The following KHDRBS1 variants were observed in gnomAD, a reference collection of about 807,000 sequenced individuals.
KHDRBS1 encodes the protein KH RNA binding domain containing, signal transduction associated 1, also known as KH domain-containing, RNA-binding, signal transduction-associated protein 1.
KHDRBS1 carries 7 observed loss-of-function variants against 48.4 expected under a neutral mutation model. The ratio of observed to expected loss-of-function variants is 0.14; its 90% confidence interval spans 0.08 to 0.27. The LOEUF is 0.27. Among genes scored for constraint, KHDRBS1 ranks in the 10% least tolerant of loss-of-function variants. The pLI is 1.00. For synonymous variants in KHDRBS1, 241 were observed against 235.8 expected (o/e 1.02, Z -0.20); for missense variants, 458 against 601.2 (o/e 0.76, Z 2.49).
chr1:32,013,925 C>G lies in KHDRBS1; in HGVS notation c.-71C>G. The G allele has an allele frequency of 7.5e-7, 1 of 1,333,476 alleles. No homozygotes were observed. The highest frequency in any genetic ancestry group is 9.6e-7 in the Non-Finnish European group (1 of 1,040,716). The allele number at this position is 1,333,476 out of a possible 1,614,324, so 82.6% of individuals were successfully genotyped here. On this transcript the variant is annotated 5_prime_UTR_variant, in exon 1 of 9. Transcript: ENST00000327300. ...GCTACCGCTCCCGCTCTGCCACCCC[C>G]GCCAACCGCCGCTCGGGCCTCCGTC...
chr1:32,054,742 A>C (rs375951877), intron 10 of KHDRBS1, among the ~76,000 whole-genome samples: 1 of 152,234 alleles, frequency 6.6e-6, no homozygotes, highest in Non-Finnish European at 1.5e-5. Context: ...ACGCAAATTC[A>C]TAAACTTTCT....
At chr1:32,038,451 T>C in intron 6 of KHDRBS1, 101 bp from the exon 7 acceptor site, 2 of 1,161,836 alleles carry the variant, frequency 1.7e-6, no homozygotes, top group Non-Finnish European at 2.5e-6. Flanking sequence ...TGTCATGTCC[T>C]TTTAATTCAG....
At chr1:32,033,998 A>G (rs1294394634) in intron 4 of KHDRBS1, among the ~76,000 whole-genome samples, 5 of 152,236 alleles carry the variant, frequency 3.3e-5, no homozygotes, top group Non-Finnish European at 5.9e-5. Context: ...ATTACTTTGA[A>G]TAAATAGGAA....
At chr1:32,036,872 A>G (rs1639194411) in intron 4 of KHDRBS1, 38 bp from the exon 5 acceptor site, 6 of 1,584,812 alleles carry the variant, frequency 3.8e-6, no homozygotes, top group Non-Finnish European at 5.2e-6. Flanking sequence ...TAGAAAGTGT[A>G]GATACCACAC....
intron 4 of KHDRBS1, among the ~76,000 whole-genome samples, chr1:32,033,993 T>G (rs1639129321): frequency 6.6e-6 from 1 of 152,224 alleles, no homozygotes; most frequent in African/African-American, 2.4e-5. Flanking sequence ...GGAATATTAC[T>G]TTGAATAAAT....
downstream of KHDRBS1, among the ~76,000 whole-genome samples, chr1:32,046,208 G>C (rs960744793): frequency 2.0e-5 from 3 of 148,368 alleles, no homozygotes; most frequent in African/African-American, 7.5e-5. Context: ...TGGTTTTTTT[G>C]GTTTTCTTTT....
At chr1:32,018,210 C>T (rs2124355480) in intron 1 of KHDRBS1, among the ~76,000 whole-genome samples, 1 of 152,240 alleles carries the variant, frequency 6.6e-6, no homozygotes, top group South Asian at 2.1e-4. Flanking sequence ...CCTGTAATCC[C>T]AGCACTTTGG....
intron 1 of KHDRBS1, among the ~76,000 whole-genome samples, chr1:32,018,010 A>G (rs1354942280): frequency 6.6e-6 from 1 of 152,266 alleles, no homozygotes; most frequent in African/African-American, 2.4e-5. Flanking sequence ...TTGGAGAGAT[A>G]CTCAAAAATC....
intron 10 of KHDRBS1, among the ~76,000 whole-genome samples, chr1:32,057,275 G>A (rs914623692): frequency 6.6e-6 from 1 of 152,102 alleles, no homozygotes; most frequent in Non-Finnish European, 1.5e-5. Context: ...AAGTGATCCA[G>A]GCTCAAGTGA....
At chr1:32,025,631 T>G (rs979725696) in intron 1 of KHDRBS1, among the ~76,000 whole-genome samples, 2 of 147,664 alleles carry the variant, frequency 1.4e-5, no homozygotes, top group African/African-American at 5.0e-5. Flanking sequence ...CTCGAGTAGC[T>G]TCTTAGTCTT....
At chr1:32,014,665 C>T (rs1002380179) in intron 1 of KHDRBS1, among the ~76,000 whole-genome samples, 8 of 152,252 alleles carry the variant, frequency 5.3e-5, no homozygotes, top group Non-Finnish European at 1.0e-4. Context: ...TTCCCTCCTC[C>T]CTCCTCTTGC....
At chr1:32,046,181 T>C (rs1639353755), downstream of KHDRBS1, among the ~76,000 whole-genome samples, 3 of 151,776 alleles carry the variant, frequency 2.0e-5, no homozygotes, top group Middle Eastern at 3.4e-3. Context: ...AGGGAAAGGG[T>C]ATTTCTTTTT....
At chr1:32,033,460 G>A in intron 4 of KHDRBS1, 126 bp downstream of exon 4, 1 of 1,296,026 alleles carries the variant, frequency 7.7e-7, no homozygotes, top group Non-Finnish European at 1.1e-6. Context: ...CTGCACTTAT[G>A]TTCATTTTCC....
intron 1 of KHDRBS1, 102 bp from the exon 2 acceptor site, chr1:32,030,196 C>T: frequency 1.1e-6 from 1 of 883,270 alleles, no homozygotes; most frequent in South Asian, 1.8e-5. Flanking sequence ...TTTGTGTGAA[C>T]TATTTGGTTT....
At chr1:32,016,981 T>G (rs72876659) in intron 1 of KHDRBS1, among the ~76,000 whole-genome samples, 5,132 of 152,194 alleles carry the variant, frequency 0.034, 283 homozygotes, top group African/African-American at 0.12. Flanking sequence ...ATGACAGCCG[T>G]GCACGGTGGC....
intron 1 of KHDRBS1, among the ~76,000 whole-genome samples, chr1:32,029,478 A>G (rs1463400813): frequency 6.6e-6 from 1 of 152,152 alleles, no homozygotes; most frequent in Admixed American, 6.5e-5. Context: ...ACCAACATGG[A>G]GAAAACCCTT....
In KHDRBS1 at chr1:32,014,075, AC is replaced by A. The variant is rs2124348577; in HGVS notation, c.84del (p.Ser29ArgfsTer97). 2 of 1,477,874 alleles carry A rather than the reference AC, an allele frequency of 1.4e-6. No individual in the cohort carries two copies. The highest frequency in any genetic ancestry group is 1.8e-6 in the Non-Finnish European group (2 of 1,120,910). 91.5% of individuals were successfully genotyped at this position (1,477,874 alleles called of 1,614,324 possible). On this transcript the variant is annotated frameshift_variant, in exon 1 of 9. Coordinates refer to ENST00000327300, the MANE Select transcript of KHDRBS1 (RefSeq NM_006559.3). LOFTEE classifies it high-confidence loss of function. Reference sequence around the variant, plus strand: ...GGCTCCATGGACCCCTCCGGTGCCCACCCCTCGGTGCGTCAGACGCCGTCTC... The same window carrying A: ...GGCTCCATGGACCCCTCCGGTGCCCACCCTCGGTGCGTCAGACGCCGTCTC... ...RSGSMDPSGA[H>X]PSVRQTPSRQ...
chr1:32,020,044 A>T (rs542176962), intron 1 of KHDRBS1, among the ~76,000 whole-genome samples: 1 of 152,136 alleles, frequency 6.6e-6, no homozygotes, highest in South Asian at 2.1e-4. Context: ...CCTGTGTTAC[A>T]GGTGTGAGCC....
downstream of KHDRBS1, chr1:32,043,914 A>G (rs1639326161): frequency 1.3e-5 from 2 of 152,662 alleles, no homozygotes; most frequent in Non-Finnish European, 2.9e-5. Flanking sequence ...TGGGTGGACC[A>G]TAAAATAGTT....
Sources: gnomAD v4.1 joint callset for allele counts (sites outside exome capture counted in the v4.1 genomes callset) on GRCh38, gnomAD v4.1.1 for gene constraint, MANE v1.5 for transcripts, NCBI Gene and HGNC (gene_info 2026-07-23, HGNC 2026-07-21) for gene names.